The following NECTIN4 variants were observed in gnomAD, a reference collection of about 807,000 sequenced individuals.
NECTIN4 encodes the protein nectin-4.
NECTIN4 carries 19 observed loss-of-function variants against 51.7 expected under a neutral mutation model. That is an observed-to-expected ratio of 0.37 (90% CI 0.26 to 0.54). NECTIN4 has a LOEUF of 0.54. Among genes scored for constraint, NECTIN4 ranks in the 20% least tolerant of loss-of-function variants. The probability of loss-of-function intolerance (pLI) is 0.86; values close to 1 mark genes in which losing one functional copy is unlikely to be tolerated. For missense variants in NECTIN4, 619 were observed against 662.4 expected (o/e 0.93, Z 0.72); for synonymous variants, 283 against 286.9 (o/e 0.99, Z 0.14).
intron 1 of NECTIN4, among the ~76,000 whole-genome samples, chr1:161,083,266 AC>A (rs1336701858): frequency 2.0e-5 from 3 of 152,062 alleles, no homozygotes; most frequent in Admixed American, 1.3e-4. Flanking sequence ...CCAGCTGCAT[AC>A]CCCCCTACCA....
chr1:161,088,368 G>T (rs1654042949), intron 1 of NECTIN4, among the ~76,000 whole-genome samples: 1 of 151,996 alleles, frequency 6.6e-6, no homozygotes, highest in South Asian at 2.1e-4. Context: ...ATCCCACTGA[G>T]GTCTCACTGT....
rs769578135 is a variant in NECTIN4, at chr1:161,076,375, A to C, written c.831T>G (p.Pro277=). ...CTTACCGTGTCCAGTTGTATGAGGG[A>C]GGGGGCTGCCCTTCACTCAGGCACT... is the stretch of plus-strand genomic sequence containing the variant. ...MLKCLSEGQP[P]PSYNWTRLDG... The change falls in exon 4 of 9, where the codon CCT becomes CCG. Residue 277 remains proline (P), a synonymous_variant. Transcript: ENST00000368012. The C allele has an allele frequency of 6.2e-7, 1 of 1,613,990 alleles. No individual in the cohort carries two copies. Among genetic ancestry groups the C allele is most frequent in the African/African-American group, 1.3e-5 (1 of 74,888 alleles).
chr1:161,072,961 G>A, intron 8 of NECTIN4, 76 bp from the exon 9 acceptor site: 1 of 1,430,314 alleles, frequency 7.0e-7, no homozygotes, highest in Non-Finnish European at 9.6e-7. Context: ...GCTGGGTCAT[G>A]GTGGGATCAG....
intron 2 of NECTIN4, among the ~76,000 whole-genome samples, 165 bp from the exon 3 acceptor site, chr1:161,077,908 C>T (rs1317352089): frequency 6.6e-6 from 1 of 152,070 alleles, no homozygotes; most frequent in African/African-American, 2.4e-5. Flanking sequence ...GACTTTGTAT[C>T]CTTCTCTACT....
At chr1:161,084,126 C>A (rs1653819841) in intron 1 of NECTIN4, among the ~76,000 whole-genome samples, 1 of 152,102 alleles carries the variant, frequency 6.6e-6, no homozygotes, top group African/African-American at 2.4e-5. Flanking sequence ...GAGGGCCTGG[C>A]CAATCTTAGT....
intron 1 of NECTIN4, among the ~76,000 whole-genome samples, chr1:161,084,083 G>A (rs1653817739): frequency 6.6e-6 from 1 of 152,248 alleles, no homozygotes; most frequent in Non-Finnish European, 1.5e-5. Context: ...AAGGGAGTAA[G>A]TATGAGTTTT....
In NECTIN4 at chr1:161,074,257, G is replaced by A. The variant is rs1450188245; in HGVS notation, c.1117C>T (p.Arg373Ter). 28 of 1,613,880 alleles carry A rather than the reference G, an allele frequency of 1.7e-5. No individual in the cohort carries two copies. Among genetic ancestry groups the A allele is most frequent in the Non-Finnish European group, 2.3e-5 (27 of 1,180,016 alleles). The change falls in exon 6 of 9, where the codon CGA (arginine) becomes TGA (stop). Residue 373 changes from arginine to a stop codon, truncating the protein, a stop_gained. Transcript: ENST00000368012. LOFTEE classifies it high-confidence loss of function. ...TGCTGGGCCTTGCGCCGATGGTATC[G>A]GGACATGAGCACCACCACCACCACC... ...LLVVVVVLMS[R>*]YHRRKAQQMT...
chr1:161,079,890 C>T lies in NECTIN4; in HGVS notation c.139G>A (p.Asp47Asn). 1 of 1,613,624 alleles carries T rather than the reference C, an allele frequency of 6.2e-7. No homozygotes were observed. Among genetic ancestry groups the T allele is most frequent in the South Asian group, 1.1e-5 (1 of 91,066 alleles). Residue 47 changes from aspartate to asparagine, a missense_variant, in exon 2 of 9, where the codon GAC becomes AAC. Physicochemically the swap from Asp to Asn is conservative, Grantham distance 23. Around this residue, in one of 3 missense-constraint regions of NECTIN4, gnomAD observed 218 missense variants for 186.3 expected, o/e 1.17. Transcript: ENST00000368012. ...CGGTAGAAGCAGGGCAGTTTTGCGT[C>T]CTGGCCCAGCACCACAGTTACCACG... The part of the protein sequence containing the change: ...SDVVTVVLGQ[D>N]AKLPCFYRGD...
Position 161,083,754 on chromosome 1 carries a change from TGGCCA to T in NECTIN4, c.80-3810_80-3806del, listed in dbSNP as rs1243237706. Among the ~76,000 whole-genome samples the T allele has an allele frequency of 9.0e-4, 137 of 152,192 alleles. 2 individuals carry two copies. Among genetic ancestry groups the T allele is most frequent in the Non-Finnish European group, 5.9e-5 (4 of 68,018 alleles). ...TCCCTGCCCTTGGCCTCCCCCACCCTGGCCAGGCCCCCACGGGCCTCTTTGGAGCC... is the reference window on the plus strand; with the variant it reads ...TCCCTGCCCTTGGCCTCCCCCACCCTGGCCCCCACGGGCCTCTTTGGAGCC... On this transcript the variant is annotated intron_variant, in intron 1 of 8. Transcript: ENST00000368012.
Position 161,074,229 on chromosome 1 carries a change from A to AT in NECTIN4, c.1144dup (p.Met382AsnfsTer6). On this transcript the variant is annotated frameshift_variant, in exon 6 of 9. Coordinates refer to ENST00000368012, the MANE Select transcript of NECTIN4 (RefSeq NM_030916.3). LOFTEE classifies it high-confidence loss of function. ...GCCCAGTACTCACTATTTCTGGGTC[A>AT]TCTGCTGGGCCTTGCGCCGATGGTA... 1 of 1,614,086 alleles carries AT rather than the reference A, an allele frequency of 6.2e-7. No individual in the cohort carries two copies. The highest frequency in any genetic ancestry group is 8.5e-7 in the Non-Finnish European group (1 of 1,179,986).
At chr1:161,075,664 T>C (rs186443569) in intron 4 of NECTIN4, among the ~76,000 whole-genome samples, 189 of 151,662 alleles carry the variant, frequency 1.2e-3, no homozygotes, top group African/African-American at 4.3e-3. Context: ...CCCAGCTACT[T>C]GGGAGGCTGA....
chr1:161,089,471 C>T lies in NECTIN4; in HGVS notation c.-175G>A, dbSNP rs1203376481. The T allele has an allele frequency of 3.1e-5, 20 of 648,526 alleles. No homozygotes were observed. Among genetic ancestry groups the T allele is most frequent in the Non-Finnish European group, 5.0e-5 (18 of 359,530 alleles). 40.2% of individuals were successfully genotyped at this position (648,526 alleles called of 1,614,324 possible). On this transcript the variant is annotated 5_prime_UTR_variant, in exon 1 of 9. It adds an upstream start codon to the 5' untranslated region. Transcript: ENST00000368012. This position sits in a 1 kb window ranked among gnomAD's most constrained non-coding sequence, Gnocchi z 4.1. ...CCCAGCCCCGGCCCCGTTCTACACA[C>T]CCAGCCGTAGCTACCCCCAAGAAGC...
At chr1:161,074,884 C>T (rs775060671) in intron 4 of NECTIN4, 125 bp from the exon 5 acceptor site, 30 of 1,032,056 alleles carry the variant, frequency 2.9e-5, no homozygotes, top group East Asian at 5.2e-5. Flanking sequence ...GCTGTTCCCA[C>T]GGTGCCCCTC....
rs554992356 is a variant in NECTIN4 at position 161,080,632 on chromosome 1, A to C, written c.80-683T>G. On this transcript the variant is annotated intron_variant, in intron 1 of 8. Transcript: ENST00000368012. Reference sequence around the variant, plus strand: ...GGCAGGAATGAGCAAGCCACTAAAGACAGAAAGGGCCCAGGTCAGAGGCCC... The same window carrying C: ...GGCAGGAATGAGCAAGCCACTAAAGCCAGAAAGGGCCCAGGTCAGAGGCCC... 2.8e-4 allele frequency among the ~76,000 whole-genome samples: 42 copies of C among 152,258 alleles called. 1 individual carries two copies. Among genetic ancestry groups the C allele is most frequent in the Middle Eastern group, 3.4e-3 (1 of 294 alleles).
Position 161,089,187 on chromosome 1 carries a change from C to A in NECTIN4, c.79+31G>T. 6.2e-7 allele frequency: 1 copy of A among 1,609,560 alleles called. No individual in the cohort carries two copies. Among genetic ancestry groups the A allele is most frequent in the Non-Finnish European group, 8.5e-7 (1 of 1,176,852 alleles). On this transcript the variant is annotated intron_variant, in intron 1 of 8. Transcript: ENST00000368012. The surrounding 1 kb of genome is among the most constrained non-coding windows in gnomAD (Gnocchi z 4.1). Reference sequence around the variant, plus strand: ...GTCAGTGCCAGGTTGGGCTCAGAAGCAAGTGTCCTGATGGTTCAGGCAAGT... The same window carrying A: ...GTCAGTGCCAGGTTGGGCTCAGAAGAAAGTGTCCTGATGGTTCAGGCAAGT...
At chr1:161,078,397 T>C (rs1653516277) in intron 2 of NECTIN4, among the ~76,000 whole-genome samples, 1 of 152,088 alleles carries the variant, frequency 6.6e-6, no homozygotes, top group Admixed American at 6.5e-5. Flanking sequence ...AATCTCCGCC[T>C]CCTGGGTTCA....
At chr1:161,076,334 T>C (rs758176682) in intron 4 of NECTIN4, 21 bp downstream of exon 4, 2 of 1,613,962 alleles carry the variant, frequency 1.2e-6, no homozygotes, top group Non-Finnish European at 1.7e-6. Context: ...AGTTAGGCCT[T>C]CCTCAGGCTC....
At chr1:161,088,447 A>G (rs1230117657) in intron 1 of NECTIN4, among the ~76,000 whole-genome samples, 1 of 152,164 alleles carries the variant, frequency 6.6e-6, no homozygotes. Flanking sequence ...TATTTGCTCT[A>G]TATGCATTAG....
rs930365787 is a variant in NECTIN4, at chr1:161,077,501, G to A, written c.682C>T (p.Pro228Ser). 1.2e-6 allele frequency: 2 copies of A among 1,614,150 alleles called. No homozygotes were observed. Among genetic ancestry groups the A allele is most frequent in the African/African-American group, 2.7e-5 (2 of 75,056 alleles). The change falls in exon 3 of 9, where the codon CCT becomes TCT. Residue 228 changes from proline (P) to serine (S), a missense_variant. Coordinates refer to ENST00000368012, the MANE Select transcript of NECTIN4 (RefSeq NM_030916.3). ...GQPLTCVVSH[P>S]GLLQDQRITH... ...ATCCTTTGGTCCTGGAGCAGGCCAGGATGGGACACCACACAAGTCAGTGGC... is the reference window on the plus strand; with the variant it reads ...ATCCTTTGGTCCTGGAGCAGGCCAGAATGGGACACCACACAAGTCAGTGGC...
Sources: gnomAD v4.1 joint callset for allele counts (sites outside exome capture counted in the v4.1 genomes callset) on GRCh38, gnomAD v4.1.1 for gene constraint, gnomAD v4.1.1 regional missense constraint, Gnocchi (gnomAD v3.1) non-coding constraint, MANE v1.5 for transcripts, NCBI Gene and HGNC (gene_info 2026-07-23, HGNC 2026-07-21) for gene names.